Variants in MDH2 observed in about 807,000 individuals in gnomAD.
MDH2 encodes the protein malate dehydrogenase, mitochondrial.
MDH2 carries 25 observed loss-of-function variants against 33.6 expected under a neutral mutation model. The observed-to-expected ratio is 0.74, with a 90% CI of 0.54 to 1.04. MDH2 has a LOEUF of 1.04. MDH2 is among the 50% of genes least tolerant of loss of function. MDH2 has a pLI of 0.00. For synonymous variants in MDH2, 193 were observed against 188.7 expected (o/e 1.02, Z -0.19); for missense variants, 432 against 445.0 (o/e 0.97, Z 0.26).
At chr7:76,058,250 C>G (rs188062672) in intron 4 of MDH2, 172 bp downstream of exon 4, 1 of 609,626 alleles carries the variant, frequency 1.6e-6, no homozygotes, top group East Asian at 2.8e-5. Flanking sequence ...GAGGCCCGTC[C>G]GTGCACTTCC....
chr7:76,048,322 G>T (rs1217335837), intron 1 of MDH2, 96 bp downstream of exon 1: 4 of 1,439,996 alleles, frequency 2.8e-6, no homozygotes, highest in Middle Eastern at 5.0e-4. Flanking sequence ...CTCCAGGCCA[G>T]CCTGGACCGC....
intron 1 of MDH2, 173 bp downstream of exon 1, chr7:76,048,399 CG>C: frequency 8.6e-7 from 1 of 1,161,988 alleles, no homozygotes; most frequent in Non-Finnish European, 1.2e-6. Context: ...CCTGGAGGTG[CG>C]GGGGAGAAAG....
intron 6 of MDH2, 43 bp from the exon 7 acceptor site, chr7:76,064,296 A>G (rs1798033110): frequency 9.2e-6 from 14 of 1,521,564 alleles, no homozygotes; most frequent in African/African-American, 1.4e-5. Flanking sequence ...GTCTGGGGTC[A>G]TGGGCCGGAA....
At chr7:76,065,458 T>C (rs1192888812) in intron 8 of MDH2, among the ~76,000 whole-genome samples, 1 of 152,198 alleles carries the variant, frequency 6.6e-6, no homozygotes, top group Non-Finnish European at 1.5e-5. Context: ...AGATGTGTGG[T>C]TGCCTTCATC....
intron 8 of MDH2, 132 bp downstream of exon 8, chr7:76,065,085 A>G (rs1256905684): frequency 4.6e-6 from 5 of 1,092,016 alleles, no homozygotes; most frequent in Admixed American, 2.2e-5. Flanking sequence ...GTTGTTTTCA[A>G]GGGTGGACGC....
intron 1 of MDH2, among the ~76,000 whole-genome samples, chr7:76,049,494 G>A (rs1585395373): frequency 6.6e-6 from 1 of 152,070 alleles, no homozygotes; most frequent in African/African-American, 2.4e-5. Flanking sequence ...AGGTCTTAGG[G>A]AATGAGTAAA....
intron 1 of MDH2, among the ~76,000 whole-genome samples, chr7:76,051,364 C>T (rs1797622407): frequency 6.7e-6 from 1 of 150,336 alleles, no homozygotes. Context: ...TCTTGTTGCC[C>T]AGGCTGGAGT....
rs993531245 is a variant in MDH2, at chr7:76,060,790, G to T, written c.555+292G>T. 2.0e-5 allele frequency among the ~76,000 whole-genome samples: 3 copies of T among 151,980 alleles called. No homozygotes were observed. The East Asian group carries it at 5.8e-4, about 29-fold the overall frequency. On this transcript the variant is annotated intron_variant, in intron 5 of 8. Coordinates refer to ENST00000315758, the MANE Select transcript of MDH2 (RefSeq NM_005918.4). ...CACACCTTCTTTGGGCTTCTCAGTGGCTGGACTTGGACGGGGCTCCCCCAG... is the reference window on the plus strand; with the variant it reads ...CACACCTTCTTTGGGCTTCTCAGTGTCTGGACTTGGACGGGGCTCCCCCAG...
intron 4 of MDH2, among the ~76,000 whole-genome samples, chr7:76,059,282 C>G (rs1797874968): frequency 6.6e-6 from 1 of 152,164 alleles, no homozygotes; most frequent in African/African-American, 2.4e-5. Flanking sequence ...TGAAATCTTC[C>G]GTGTAATAAT....
At chr7:76,055,375 G>A (rs550648192) in intron 2 of MDH2, among the ~76,000 whole-genome samples, 2 of 152,158 alleles carry the variant, frequency 1.3e-5, no homozygotes, top group South Asian at 4.2e-4. Flanking sequence ...CAAAAAGCAC[G>A]GCCTCTTTGG....
chr7:76,048,319 C>A (rs1464388489), intron 1 of MDH2, 93 bp downstream of exon 1: 4 of 1,437,086 alleles, frequency 2.8e-6, no homozygotes, highest in Non-Finnish European at 3.7e-6. Context: ...CCTCTCCAGG[C>A]CAGCCTGGAC....
chr7:76,054,115 A>G (rs1189021233), intron 1 of MDH2, among the ~76,000 whole-genome samples: 1 of 152,208 alleles, frequency 6.6e-6, no homozygotes, highest in Non-Finnish European at 1.5e-5. Flanking sequence ...AGTGGGCTTC[A>G]TTAGCTCAGC....
chr7:76,064,736 G>A lies in MDH2; in HGVS notation c.734-66G>A, dbSNP rs923657049. ...AAGGTGTGCAGGTGTCTTGGCTGGC[G>A]GGGCCGGCTCACCTGGGCGTCACGT... On this transcript the variant is annotated intron_variant, in intron 7 of 8. Coordinates refer to ENST00000315758, the MANE Select transcript of MDH2 (RefSeq NM_005918.4). 7.4e-5 allele frequency: 112 copies of A among 1,516,388 alleles called. 1 individual carries two copies. In the Admixed American group the frequency reaches 1.3e-3, roughly 18 times the overall value. 93.9% of individuals were successfully genotyped at this position (1,516,388 alleles called of 1,614,324 possible).
In MDH2 at chr7:76,048,604, C is replaced by T. The variant is rs1468395642; in HGVS notation, c.66+378C>T. The stretch of plus-strand genomic sequence containing the variant: ...TCCATTGCTTTGACGTAGCTAATCT[C>T]CTTGCAGCATCCGTGTGAGTTGTGC... On this transcript the variant is annotated intron_variant, in intron 1 of 8. Coordinates refer to ENST00000315758, the MANE Select transcript of MDH2 (RefSeq NM_005918.4). 10 of 1,292,386 alleles carry T rather than the reference C, an allele frequency of 7.7e-6. No individual in the cohort carries two copies. In the Admixed American group the frequency reaches 1.5e-4, roughly 20 times the overall value. 80.1% of individuals were successfully genotyped at this position (1,292,386 alleles called of 1,614,324 possible).
chr7:76,058,024 C>G lies in MDH2; in HGVS notation c.375C>G (p.Thr125=), dbSNP rs782365031. Residue 125 remains threonine (T), a synonymous_variant, in exon 4 of 9, where the codon ACC becomes ACG. Coordinates refer to ENST00000315758, the MANE Select transcript of MDH2 (RefSeq NM_005918.4). ...NTNATIVATL[T]AACAQHCPEA... ...ATGCCACGATTGTGGCCACCCTGAC[C>G]GCTGCCTGTGCCCAGCACTGCCCGG... 1.9e-6 allele frequency: 3 copies of G among 1,613,996 alleles called. No homozygotes were observed. Among genetic ancestry groups the G allele is most frequent in the Non-Finnish European group, 2.5e-6 (3 of 1,180,046 alleles).
chr7:76,058,520 G>C (rs1407512751), intron 4 of MDH2, among the ~76,000 whole-genome samples: 1 of 152,098 alleles, frequency 6.6e-6, no homozygotes, highest in Non-Finnish European at 1.5e-5. Context: ...ACTGAACCCT[G>C]TATATACCAT....
intron 1 of MDH2, 64 bp downstream of exon 1, chr7:76,048,290 G>T: frequency 6.6e-7 from 1 of 1,506,548 alleles, no homozygotes; most frequent in Non-Finnish European, 8.8e-7. Flanking sequence ...TGCGTCCCCG[G>T]TTCGCGGGCA....
intron 1 of MDH2, among the ~76,000 whole-genome samples, chr7:76,049,979 G>A (rs562604342): frequency 2.5e-4 from 38 of 152,026 alleles, no homozygotes; most frequent in Middle Eastern, 3.4e-3. Context: ...CTACAGGCGC[G>A]CACCACCGTG....
rs572862619 is a variant in MDH2 at position 76,066,826 on chromosome 7, T to G, written c.*416T>G. The G allele has an allele frequency of 6.5e-6, 1 of 154,148 alleles. No individual in the cohort carries two copies. Among genetic ancestry groups the G allele is most frequent in the African/African-American group, 2.4e-5 (1 of 41,594 alleles). 9.5% of individuals were successfully genotyped at this position (154,148 alleles called of 1,614,324 possible). ...CGCCCCTCCTGTTGGCACCCTTGCA[T>G]CGCCCAGGCCTGATTCCTCCTGGGG... is the stretch of plus-strand genomic sequence containing the variant. On this transcript the variant is annotated 3_prime_UTR_variant, in exon 9 of 9. Coordinates refer to ENST00000315758, the MANE Select transcript of MDH2 (RefSeq NM_005918.4).
Sources: gnomAD v4.1 joint callset for allele counts (sites outside exome capture counted in the v4.1 genomes callset) on GRCh38, gnomAD v4.1.1 for gene constraint, MANE v1.5 for transcripts, NCBI Gene and HGNC (gene_info 2026-07-23, HGNC 2026-07-21) for gene names.